RSPH14: variants seen among roughly 807,000 people sequenced by gnomAD.
RSPH14 encodes the protein radial spoke head 14 homolog, also known as rhabdoid tumor deletion region gene 1.
In RSPH14, 20 loss-of-function variants were observed where a neutral mutation model predicts 26.7. That is an observed-to-expected ratio of 0.75 (90% CI 0.53 to 1.09). RSPH14 has a LOEUF of 1.09. RSPH14 is among the 50% of genes least tolerant of loss of function. The pLI is 0.00. For synonymous variants in RSPH14, 177 were observed against 189.3 expected (o/e 0.93, Z 0.53); for missense variants, 449 against 457.2 (o/e 0.98, Z 0.16).
the RSPH14 span, among the ~76,000 whole-genome samples, chr22:23,169,181 C>T: frequency 6.6e-6 from 1 of 152,240 alleles, no homozygotes; most frequent in South Asian, 2.1e-4. Flanking sequence ...CTGGGACCAG[C>T]AGCTCCACAG....
intron 4 of RSPH14, among the ~76,000 whole-genome samples, chr22:23,069,807 C>A (rs1391816917): frequency 2.0e-5 from 3 of 152,144 alleles, no homozygotes. Flanking sequence ...GCCTTTCACA[C>A]GTTCTGAAGG....
intron 4 of RSPH14, chr22:23,124,398 C>A: frequency 6.4e-6 from 3 of 469,954 alleles, no homozygotes; most frequent in South Asian, 4.7e-5. Context: ...TCTCTCTGCT[C>A]CAAAGAAATT....
rs537603736 is a variant in RSPH14, at chr22:23,128,882, G to T, written c.421+5144C>A. ...GTTGAGCGCTAGCCACATGCCAGGC[G>T]CCCTGCCAGGTGCAGAGGGTGCCAT... is the stretch of plus-strand genomic sequence containing the variant. On this transcript the variant is annotated intron_variant, in intron 4 of 6. Transcript: ENST00000216036. 2.4e-4 allele frequency among the ~76,000 whole-genome samples: 37 copies of T among 152,302 alleles called. 1 individual carries two copies. The highest frequency in any genetic ancestry group is 4.9e-4 in the Non-Finnish European group (33 of 68,018).
At position 23,059,508 on chromosome 22, in the gene RSPH14, T is replaced by G; in HGVS notation, c.1001A>C (p.Gln334Pro). ...YEKPQVAEAL[Q>P]RAARIAISVI... ...ACTGATGGCGATCCGGGCTGCCCGC[T>G]GTAAGGCTTCGGCCACTTGAGGCTT... Residue 334 changes from glutamine to proline, a missense_variant, in exon 7 of 7, where the codon CAG becomes CCG. Coordinates refer to ENST00000216036, the MANE Select transcript of RSPH14 (RefSeq NM_014433.3). The G allele has an allele frequency of 6.2e-7, 1 of 1,614,056 alleles. No individual in the cohort carries two copies. The highest frequency in any genetic ancestry group is 8.5e-7 in the Non-Finnish European group (1 of 1,179,914).
chr22:23,105,639 CTG>C (rs2069446680), intron 4 of RSPH14, among the ~76,000 whole-genome samples: 1 of 152,226 alleles, frequency 6.6e-6, no homozygotes, highest in African/African-American at 2.4e-5. Context: ...GTTTCTCACA[CTG>C]TGCTTTCTTC....
chr22:23,073,397 G>A (rs2068425562), intron 4 of RSPH14, among the ~76,000 whole-genome samples: 1 of 152,224 alleles, frequency 6.6e-6, no homozygotes, highest in South Asian at 2.1e-4. Flanking sequence ...GAATGAAGAG[G>A]GACGTGGGAG....
chr22:23,062,808 T>TG (rs1481771153), intron 5 of RSPH14, among the ~76,000 whole-genome samples: 2 of 152,100 alleles, frequency 1.3e-5, no homozygotes, highest in East Asian at 3.9e-4. Flanking sequence ...AGCAAGACAC[T>TG]GAGACAAGAG....
chr22:23,092,753 C>T (rs993542357), intron 4 of RSPH14, among the ~76,000 whole-genome samples: 5 of 152,220 alleles, frequency 3.3e-5, no homozygotes, highest in Non-Finnish European at 1.5e-5. Context: ...CCAGGGAGCA[C>T]ATACATCCCA....
At chr22:23,097,483 G>A (rs2069160100) in intron 4 of RSPH14, among the ~76,000 whole-genome samples, 1 of 152,200 alleles carries the variant, frequency 6.6e-6, no homozygotes, top group Admixed American at 6.5e-5. Flanking sequence ...CTGGGGAGGC[G>A]GGCTTGCCTC....
chr22:23,100,051 G>A (rs781226538), intron 4 of RSPH14, among the ~76,000 whole-genome samples: 17 of 152,264 alleles, frequency 1.1e-4, no homozygotes, highest in Middle Eastern at 3.2e-3. Flanking sequence ...CCCATTTCCC[G>A]ACGGAGCTGT....
intron 4 of RSPH14, among the ~76,000 whole-genome samples, chr22:23,074,563 C>T (rs779735234): frequency 7.2e-5 from 11 of 152,094 alleles, no homozygotes; most frequent in Non-Finnish European, 1.5e-4. Flanking sequence ...ACCTGGAGCC[C>T]CTGGCACTGA....
chr22:23,145,262 A>T, upstream of RSPH14: 1 of 223,680 alleles, frequency 4.5e-6, no homozygotes, highest in Non-Finnish European at 8.0e-6. Context: ...CCGCCCACCC[A>T]TCCAGCACCG....
chr22:23,156,194 T>C, the RSPH14 span: 2 of 610,776 alleles, frequency 3.3e-6, no homozygotes, highest in South Asian at 2.0e-5. Flanking sequence ...GGAAGCTGCC[T>C]TCATCCCCAG....
chr22:23,065,080 C>A (rs1403664822), intron 4 of RSPH14, among the ~76,000 whole-genome samples: 1 of 152,194 alleles, frequency 6.6e-6, no homozygotes, highest in African/African-American at 2.4e-5. Flanking sequence ...AGGTGGCCAC[C>A]AGAAGACACC....
the RSPH14 span, chr22:23,161,821 G>A: frequency 2.0e-6 from 1 of 499,982 alleles, no homozygotes; most frequent in South Asian, 2.3e-5. Flanking sequence ...GCACTGTGGT[G>A]ATCCCATAAA....
rs547225213 is a variant in RSPH14 at position 23,126,658 on chromosome 22, G to A, written c.421+7368C>T. On this transcript the variant is annotated intron_variant, in intron 4 of 6. Coordinates refer to ENST00000216036, the MANE Select transcript of RSPH14 (RefSeq NM_014433.3). ...GGATGGTCCAGGAGTCTTAGCCAAC[G>A]GGAGGTAAGCACCAGGACTCACCAA... 7.9e-5 allele frequency among the ~76,000 whole-genome samples: 12 copies of A among 152,328 alleles called. No homozygotes were observed. The Middle Eastern group carries it at 0.01, about 130-fold the overall frequency.
In RSPH14 at chr22:23,140,231, T is replaced by C. The variant is rs765074015; in HGVS notation, c.190A>G (p.Met64Val). ...MHDPECIYKA[M>V]NIGCMENLKA... Reference sequence around the variant, plus strand: ...GCTGTGTCACGCTCACCTATGTTCATGGCCTTGTAGATACACTCGGGGTCA... The same window carrying C: ...GCTGTGTCACGCTCACCTATGTTCACGGCCTTGTAGATACACTCGGGGTCA... The change falls in exon 2 of 7, where the codon ATG becomes GTG. Residue 64 changes from methionine (M) to valine (V), a missense_variant. Coordinates refer to ENST00000216036, the MANE Select transcript of RSPH14 (RefSeq NM_014433.3). The C allele has an allele frequency of 6.2e-7, 1 of 1,613,894 alleles. No homozygotes were observed. The highest frequency in any genetic ancestry group is 8.5e-7 in the Non-Finnish European group (1 of 1,180,030).
chr22:23,096,896 A>G (rs2069141398), intron 4 of RSPH14, among the ~76,000 whole-genome samples: 1 of 152,232 alleles, frequency 6.6e-6, no homozygotes, highest in Non-Finnish European at 1.5e-5. Context: ...GGATTCTTTC[A>G]CAGTGGCATG....
At chr22:23,143,312 TA>T (rs2070630743), upstream of RSPH14, among the ~76,000 whole-genome samples, 1 of 140,072 alleles carries the variant, frequency 7.1e-6, no homozygotes, top group Non-Finnish European at 1.6e-5. Flanking sequence ...AATAAATAAA[TA>T]AATAAATAAA....
Sources: allele counts gnomAD v4.1 joint callset (sites outside exome capture counted in the v4.1 genomes callset), GRCh38; gene constraint gnomAD v4.1.1; transcripts MANE v1.5; gene names NCBI Gene and HGNC (gene_info 2026-07-23, HGNC 2026-07-21).